ODAD2: variants seen among roughly 807,000 people sequenced by gnomAD.
ODAD2 encodes outer dynein arm docking complex subunit 2, also known as outer dynein arm-docking complex subunit 2.
In ODAD2, 89 loss-of-function variants were observed where a neutral mutation model predicts 106.8. That is an observed-to-expected ratio of 0.83 (90% CI 0.70 to 0.99). The LOEUF (loss-of-function observed/expected upper bound fraction) is 0.99, where lower values mean the gene tolerates loss of function less well. ODAD2 is among the 50% of genes least tolerant of loss of function. The probability of loss-of-function intolerance (pLI) is 0.00; values close to 1 mark genes in which losing one functional copy is unlikely to be tolerated. For missense variants in ODAD2, 1,168 were observed against 1,238.5 expected, an observed-to-expected ratio of 0.94 and a Z score of 0.85; for synonymous variants, 404 against 436.2, an observed-to-expected ratio of 0.93 and a Z score of 0.92.
At chr10:27,818,628 T>G (rs1320213170) in intron 19 of ODAD2, among the ~76,000 whole-genome samples, 1 of 152,180 alleles carries the variant, frequency 6.6e-6, no homozygotes, top group Non-Finnish European at 1.5e-5. Context: ...AAATCTAGTC[T>G]CCAATTGCCC....
In ODAD2 at chr10:27,873,897, T is replaced by C. The variant is rs1344660101; in HGVS notation, c.2611-11275A>G. On this transcript the variant is annotated intron_variant, in intron 17 of 19. Transcript: ENST00000305242. The stretch of plus-strand genomic sequence containing the variant: ...CCACTTGGTGCAGAGCTGAGTTCAA[T>C]TCCTGGATATCCTTGTTAACTTTCT... Among the ~76,000 whole-genome samples, 11 of 152,272 alleles carry C rather than the reference T, an allele frequency of 7.2e-5. No homozygotes were observed. In the South Asian group the frequency reaches 2.1e-3, roughly 29 times the overall value.
intron 16 of ODAD2, among the ~76,000 whole-genome samples, chr10:27,927,232 A>C (rs1262776910): frequency 6.6e-6 from 1 of 152,000 alleles, no homozygotes; most frequent in African/African-American, 2.4e-5. Context: ...TATGAATTCT[A>C]CTCCACAAAG....
chr10:27,936,883 G>A lies in ODAD2; in HGVS notation c.2098-3C>T. The A allele has an allele frequency of 2.5e-6, 4 of 1,591,796 alleles. No individual in the cohort carries two copies. Among genetic ancestry groups the A allele is most frequent in the Non-Finnish European group, 3.4e-6 (4 of 1,170,878 alleles). On this transcript the variant is annotated splice_polypyrimidine_tract_variant and splice_region_variant and intron_variant, in intron 14 of 19. Coordinates refer to ENST00000305242, the MANE Select transcript of ODAD2 (RefSeq NM_018076.5). ...CGGGTTTCCTTATCTTCAGCACACT[G>A]CACGAAAAGTCAGACAGAGGCTGTC...
intron 8 of ODAD2, among the ~76,000 whole-genome samples, chr10:27,970,101 A>AAAATAAATAAATAAAT (rs57804974): frequency 6.8e-5 from 9 of 133,320 alleles, no homozygotes; most frequent in African/African-American, 1.8e-4. Context: ...TCTGTCTCAA[A>AAAATAAATAAATAAAT]AAATAAATAA....
At chr10:27,819,567 T>C (rs912193259) in intron 19 of ODAD2, among the ~76,000 whole-genome samples, 8 of 120,826 alleles carry the variant, frequency 6.6e-5, no homozygotes, top group African/African-American at 2.2e-4. Context: ...AGTGAGACCC[T>C]GTCTCTTAAA....
intron 17 of ODAD2, among the ~76,000 whole-genome samples, chr10:27,883,979 A>G (rs1339625889): frequency 6.6e-6 from 1 of 152,000 alleles, no homozygotes; most frequent in African/African-American, 2.4e-5. Flanking sequence ...TCTAGAAAAA[A>G]GGAGAAAGAG....
At chr10:27,970,532 G>C (rs1351165210) in intron 8 of ODAD2, among the ~76,000 whole-genome samples, 1 of 152,124 alleles carries the variant, frequency 6.6e-6, no homozygotes, top group Non-Finnish European at 1.5e-5. Context: ...AGTGAATTGT[G>C]TTCTTCTCTT....
At chr10:27,823,096 C>T (rs746344542) in intron 19 of ODAD2, among the ~76,000 whole-genome samples, 1 of 152,128 alleles carries the variant, frequency 6.6e-6, no homozygotes, top group Non-Finnish European at 1.5e-5. Flanking sequence ...TGGGACATTG[C>T]TCAGCACCCT....
intron 17 of ODAD2, among the ~76,000 whole-genome samples, chr10:27,864,250 C>A (rs1840273823): frequency 6.6e-6 from 1 of 150,928 alleles, no homozygotes; most frequent in Admixed American, 6.6e-5. Flanking sequence ...TCTGGCTCAA[C>A]TTAGTAGGGC....
intron 10 of ODAD2, among the ~76,000 whole-genome samples, chr10:27,952,387 T>G (rs945214006): frequency 1.3e-5 from 2 of 151,794 alleles, no homozygotes; most frequent in Admixed American, 6.6e-5. Context: ...ACAACTTTTT[T>G]TATTTTATTT....
At chr10:27,979,783 T>C (rs773103656) in intron 7 of ODAD2, among the ~76,000 whole-genome samples, 2 of 152,196 alleles carry the variant, frequency 1.3e-5, no homozygotes, top group African/African-American at 4.8e-5. Flanking sequence ...AAGATGGCAA[T>C]ACTATGTAAA....
At chr10:27,958,888 C>T (rs970725117) in intron 10 of ODAD2, 21 of 1,303,776 alleles carry the variant, frequency 1.6e-5, no homozygotes, top group East Asian at 5.6e-5. Flanking sequence ...GTCTTTCCAA[C>T]GTCAAAGATC....
chr10:27,857,399 G>A (rs1027379956), intron 19 of ODAD2, among the ~76,000 whole-genome samples: 1 of 152,128 alleles, frequency 6.6e-6, no homozygotes, highest in African/African-American at 2.4e-5. Flanking sequence ...AAGTTCTGGG[G>A]CAGTCAAAAG....
At chr10:27,989,116 A>AT (rs1335476306) in intron 2 of ODAD2, among the ~76,000 whole-genome samples, 1 of 152,180 alleles carries the variant, frequency 6.6e-6, no homozygotes, top group Non-Finnish European at 1.5e-5. Flanking sequence ...AACCCTGCCG[A>AT]TACCTTGATT....
intron 13 of ODAD2, 112 bp downstream of exon 13, chr10:27,940,451 C>T (rs913381349): frequency 1.6e-5 from 21 of 1,317,382 alleles, no homozygotes; most frequent in Non-Finnish European, 1.7e-5. Context: ...TCATAGAATG[C>T]TGACTTCTAG....
intron 17 of ODAD2, among the ~76,000 whole-genome samples, chr10:27,897,918 T>C (rs1055800627): frequency 4.6e-5 from 7 of 151,898 alleles, no homozygotes; most frequent in Non-Finnish European, 1.0e-4. Context: ...GTGGGCTGGG[T>C]CATGTTTTAG....
At chr10:27,874,272 T>A (rs1408563726) in intron 17 of ODAD2, among the ~76,000 whole-genome samples, 2 of 152,208 alleles carry the variant, frequency 1.3e-5, no homozygotes, top group Non-Finnish European at 2.9e-5. Context: ...ATGGGTCTCC[T>A]GAATACAGCA....
chr10:27,874,980 T>C (rs1841212191), intron 17 of ODAD2, among the ~76,000 whole-genome samples: 1 of 152,216 alleles, frequency 6.6e-6, no homozygotes, highest in Non-Finnish European at 1.5e-5. Flanking sequence ...TCCCCATCAC[T>C]TCCAGGTACA....
chr10:27,939,981 T>C lies in ODAD2; in HGVS notation c.2013A>G (p.Ala671=), dbSNP rs775104383. The stretch of plus-strand genomic sequence containing the variant: ...TGACAAGGTTTTCAATGATCCTTTC[T>C]GCTTTGATTGCAGCCCGGTAGTTTT... ...SEENYRAAIK[A]ERIIENLVKN... is the part of the protein sequence containing the mutation. The change falls in exon 14 of 20, where the codon GCA becomes GCG. Residue 671 remains alanine (A), a synonymous_variant. Transcript: ENST00000305242. 1 of 1,610,264 alleles carries C rather than the reference T, an allele frequency of 6.2e-7. No homozygotes were observed. The highest frequency in any genetic ancestry group is 8.5e-7 in the Non-Finnish European group (1 of 1,178,336).
Sources: allele counts gnomAD v4.1 joint callset (sites outside exome capture counted in the v4.1 genomes callset), GRCh38; gene constraint gnomAD v4.1.1; transcripts MANE v1.5; gene names NCBI Gene and HGNC (gene_info 2026-07-23, HGNC 2026-07-21).